IMMP2L: variants seen among roughly 807,000 people sequenced by gnomAD.
The protein encoded by IMMP2L is mitochondrial inner membrane protease subunit 2.
A neutral mutation model predicts 19.3 loss-of-function variants in IMMP2L; 18 were observed. The ratio of observed to expected loss-of-function variants is 0.93; its 90% CI spans 0.64 to 1.38. The LOEUF (loss-of-function observed/expected upper bound fraction) is 1.38. Ranked by LOEUF, IMMP2L falls within the 40% of genes most tolerant of loss-of-function variation. IMMP2L has a pLI of 0.00. For synonymous variants in IMMP2L, 76 were observed against 73.0 expected (o/e 1.04, Z -0.21); for missense variants, 233 against 218.2 (o/e 1.07, Z -0.43).
intron 3 of IMMP2L, among the ~76,000 whole-genome samples, chr7:110,979,615 G>A (rs950403918): frequency 2.0e-5 from 3 of 151,852 alleles, no homozygotes; most frequent in African/African-American, 7.3e-5. Flanking sequence ...CAACCTGCAC[G>A]TTGTGCACAT....
chr7:111,492,746 G>A (rs1843215734), intron 2 of IMMP2L, among the ~76,000 whole-genome samples: 1 of 152,180 alleles, frequency 6.6e-6, no homozygotes, highest in African/African-American at 2.4e-5. Context: ...AAGGAAGCAT[G>A]TCTAACTTCC....
intron 3 of IMMP2L, among the ~76,000 whole-genome samples, chr7:111,404,503 C>T (rs1458680519): frequency 6.6e-6 from 1 of 152,078 alleles, no homozygotes; most frequent in African/African-American, 2.4e-5. Flanking sequence ...CTTTTAAATG[C>T]TTTCTGGAAC....
At chr7:111,282,526 A>G (rs1820009573) in intron 3 of IMMP2L, among the ~76,000 whole-genome samples, 1 of 152,220 alleles carries the variant, frequency 6.6e-6, no homozygotes, top group Non-Finnish European at 1.5e-5. Flanking sequence ...ACTGACAGAA[A>G]TGAAGGGAGA....
chr7:110,947,025 C>T (rs1227982357), intron 4 of IMMP2L, among the ~76,000 whole-genome samples: 3 of 151,858 alleles, frequency 2.0e-5, no homozygotes, highest in Non-Finnish European at 2.9e-5. Flanking sequence ...TGGCCTAATA[C>T]CATTTTTTAA....
At chr7:111,142,841 G>A (rs968076759) in intron 3 of IMMP2L, among the ~76,000 whole-genome samples, 3 of 152,052 alleles carry the variant, frequency 2.0e-5, no homozygotes, top group African/African-American at 4.8e-5. Context: ...CAACTCTCAC[G>A]GTCCCAAAAC....
At chr7:110,812,678 G>C (rs1190453792) in intron 5 of IMMP2L, among the ~76,000 whole-genome samples, 4 of 151,990 alleles carry the variant, frequency 2.6e-5, no homozygotes, top group South Asian at 2.1e-4. Flanking sequence ...AGAAGATGGA[G>C]GCTGGGGTAA....
At chr7:110,958,740 T>G (rs536951995) in intron 4 of IMMP2L, among the ~76,000 whole-genome samples, 15 of 152,162 alleles carry the variant, frequency 9.9e-5, no homozygotes, top group African/African-American at 3.6e-4. Flanking sequence ...CTGTCTGTCA[T>G]GTGGATAGGT....
intron 4 of IMMP2L, among the ~76,000 whole-genome samples, chr7:110,958,802 G>C (rs1049730558): frequency 6.6e-6 from 1 of 152,028 alleles, no homozygotes; most frequent in African/African-American, 2.4e-5. Flanking sequence ...AGGTAATTCA[G>C]ACATGAGGCA....
intron 4 of IMMP2L, among the ~76,000 whole-genome samples, chr7:110,902,429 C>T (rs1811972500): frequency 6.7e-6 from 1 of 148,688 alleles, no homozygotes; most frequent in South Asian, 2.1e-4. Flanking sequence ...TGGGCTGATC[C>T]TGATCTGGAA....
chr7:111,561,722 T>A (rs1448870219), intron 1 of IMMP2L, 129 bp downstream of exon 1: 2 of 152,650 alleles, frequency 1.3e-5, no homozygotes, highest in African/African-American at 4.8e-5. Context: ...GTCCTCCAGT[T>A]CCCGATGAAA....
intron 5 of IMMP2L, among the ~76,000 whole-genome samples, chr7:110,785,895 T>C (rs1278619766): frequency 6.6e-6 from 1 of 151,912 alleles, no homozygotes. Flanking sequence ...TCTCTCTCTT[T>C]CATATTTCTA....
intron 4 of IMMP2L, among the ~76,000 whole-genome samples, chr7:110,951,413 T>C: frequency 6.6e-6 from 1 of 152,108 alleles, no homozygotes; most frequent in South Asian, 2.1e-4. Flanking sequence ...TAACAAAAAT[T>C]TGATAATCTA....
intron 5 of IMMP2L, among the ~76,000 whole-genome samples, chr7:110,730,099 G>C (rs1305567341): frequency 6.6e-6 from 1 of 152,094 alleles, no homozygotes; most frequent in Non-Finnish European, 1.5e-5. Context: ...TTCATGTTAA[G>C]AGTATTGTGA....
intron 3 of IMMP2L, among the ~76,000 whole-genome samples, chr7:111,446,437 G>GCTGC: frequency 6.7e-6 from 1 of 149,610 alleles, no homozygotes; most frequent in African/African-American, 2.5e-5. Context: ...GCAGCCCCCA[G>GCTGC]CAGGGGCACA....
intron 5 of IMMP2L, among the ~76,000 whole-genome samples, chr7:110,747,085 C>A (rs568667149): frequency 6.6e-6 from 1 of 152,254 alleles, no homozygotes; most frequent in East Asian, 1.9e-4. Flanking sequence ...CCAATTCCCA[C>A]AGAAATATAA....
chr7:110,841,540 C>T (rs1349182375), intron 5 of IMMP2L, among the ~76,000 whole-genome samples: 1 of 152,102 alleles, frequency 6.6e-6, no homozygotes, highest in Non-Finnish European at 1.5e-5. Flanking sequence ...AATATTCCCA[C>T]ATGAATATGT....
chr7:111,205,149 G>A (rs1810560573), intron 3 of IMMP2L, among the ~76,000 whole-genome samples: 1 of 152,066 alleles, frequency 6.6e-6, no homozygotes, highest in South Asian at 2.1e-4. Context: ...TGGCAGAGGT[G>A]GAAAGCCAAA....
rs550524235 is a variant in IMMP2L, at chr7:111,252,133, TA to T, written c.239+235104del. On this transcript the variant is annotated intron_variant, in intron 3 of 5. Coordinates refer to ENST00000405709, the MANE Select transcript of IMMP2L (RefSeq NM_032549.4). ...TCTCAAAATAGGTCATTTGGGAGCATAAAAAAAAAAAAGTCCCCTTCTTTTC... is the reference window on the plus strand; with the variant it reads ...TCTCAAAATAGGTCATTTGGGAGCATAAAAAAAAAAAGTCCCCTTCTTTTC... Among the ~76,000 whole-genome samples, 939 of 141,988 alleles carry T rather than the reference TA, an allele frequency of 6.6e-3. 5 individuals are homozygous for T. The highest frequency in any genetic ancestry group is 0.023 in the East Asian group (112 of 4,948). The allele number at this position is 141,988 out of a possible 152,430, so 93.1% of individuals were successfully genotyped here.
intron 3 of IMMP2L, among the ~76,000 whole-genome samples, chr7:111,050,808 T>C (rs1792935121): frequency 6.6e-6 from 1 of 152,178 alleles, no homozygotes; most frequent in Non-Finnish European, 1.5e-5. Context: ...AAAACACACA[T>C]CTGTGGTATC....
Sources: allele counts gnomAD v4.1 joint callset (sites outside exome capture counted in the v4.1 genomes callset), GRCh38; gene constraint gnomAD v4.1.1; transcripts MANE v1.5; gene names NCBI Gene and HGNC (gene_info 2026-07-23, HGNC 2026-07-21).